AFF3: variants seen among roughly 807,000 people sequenced by gnomAD.
AFF3 encodes the protein AF4/FMR2 family member 3.
AFF3 carries 32 observed loss-of-function variants against 129.7 expected under a neutral mutation model. The observed-to-expected ratio is 0.25, with a 90% CI of 0.19 to 0.33. The LOEUF is 0.33. Ranked by LOEUF, AFF3 falls within the 10% of genes least tolerant of loss-of-function variation. The probability of loss-of-function intolerance (pLI) is 1.00; values close to 1 mark genes in which losing one functional copy is unlikely to be tolerated. For missense variants in AFF3, 1,373 were observed against 1,592.0 expected, an observed-to-expected ratio of 0.86 and a Z score of 2.34; for synonymous variants, 644 against 635.4, an observed-to-expected ratio of 1.01 and a Z score of -0.20.
At chr2:99,778,804 A>T in intron 8 of AFF3, among the ~76,000 whole-genome samples, 1 of 151,820 alleles carries the variant, frequency 6.6e-6, no homozygotes, top group Non-Finnish European at 1.5e-5. Flanking sequence ...TATAGACACA[A>T]AACTGATTTT....
At chr2:100,105,806 C>T in intron 2 of AFF3, 1 of 1,350,928 alleles carries the variant, frequency 7.4e-7, no homozygotes, top group Non-Finnish European at 9.8e-7. Flanking sequence ...CGGATTCTCA[C>T]CAGGGATTCC....
chr2:99,755,218 C>T (rs967268759), intron 8 of AFF3, among the ~76,000 whole-genome samples: 7 of 152,048 alleles, frequency 4.6e-5, no homozygotes, highest in South Asian at 2.1e-4. Flanking sequence ...ATCAGACTAA[C>T]GGCTCCCTCC....
chr2:100,020,431 C>T (rs1683493230), intron 4 of AFF3, among the ~76,000 whole-genome samples: 1 of 152,006 alleles, frequency 6.6e-6, no homozygotes, highest in African/African-American at 2.4e-5. Context: ...TTGTACAACT[C>T]TCCAAGACTC....
intron 12 of AFF3, among the ~76,000 whole-genome samples, chr2:99,661,789 T>C (rs1686251547): frequency 6.6e-6 from 1 of 152,202 alleles, no homozygotes; most frequent in Non-Finnish European, 1.5e-5. Flanking sequence ...AAGAGTGGCA[T>C]GATAAAATAA....
intron 13 of AFF3, among the ~76,000 whole-genome samples, chr2:99,635,222 A>ATC (rs1261416772): frequency 6.6e-6 from 1 of 151,802 alleles, no homozygotes; most frequent in African/African-American, 2.4e-5. Context: ...ATATACACAT[A>ATC]TCTATGTATA....
At chr2:100,121,958 A>G (rs1691988475) in intron 2 of AFF3, among the ~76,000 whole-genome samples, 1 of 152,218 alleles carries the variant, frequency 6.6e-6, no homozygotes, top group Non-Finnish European at 1.5e-5. Flanking sequence ...GCTACTCGGG[A>G]GGCTGAGGCA....
intron 4 of AFF3, among the ~76,000 whole-genome samples, chr2:100,061,255 T>C (rs1017958390): frequency 1.6e-4 from 25 of 152,186 alleles, no homozygotes; most frequent in African/African-American, 6.0e-4. Flanking sequence ...TTAAGCTCCA[T>C]CTCCTTAATG....
chr2:99,867,941 G>A (rs1691557294), intron 7 of AFF3, among the ~76,000 whole-genome samples: 1 of 152,180 alleles, frequency 6.6e-6, no homozygotes, highest in Admixed American at 6.5e-5. Flanking sequence ...GCGGGCACGT[G>A]GAGGGAGAGA....
At chr2:100,112,841 G>A (rs1050783584) in intron 2 of AFF3, among the ~76,000 whole-genome samples, 1 of 152,164 alleles carries the variant, frequency 6.6e-6, no homozygotes, top group Admixed American at 6.5e-5. Flanking sequence ...TATAATGAGA[G>A]CAACTCTTTC....
At chr2:99,830,450 G>A (rs916995823) in intron 8 of AFF3, among the ~76,000 whole-genome samples, 11 of 152,122 alleles carry the variant, frequency 7.2e-5, no homozygotes, top group Non-Finnish European at 1.2e-4. Flanking sequence ...CTCCTGCCAC[G>A]AAGTTTAAAG....
chr2:99,974,099 G>A (rs1678648493), intron 7 of AFF3, among the ~76,000 whole-genome samples: 2 of 152,148 alleles, frequency 1.3e-5, no homozygotes, highest in Non-Finnish European at 2.9e-5. Flanking sequence ...ATATAACGGA[G>A]GTAAATGAAA....
At chr2:99,891,782 A>G (rs1366762) in intron 7 of AFF3, among the ~76,000 whole-genome samples, 128,932 of 151,972 alleles carry the variant, frequency 0.85, 54,996 homozygotes, top group African/African-American at 0.95. Context: ...AGCCAGGATT[A>G]TCTCCATTTT....
chr2:100,125,988 A>G (rs1325892225), intron 2 of AFF3, among the ~76,000 whole-genome samples: 1 of 152,194 alleles, frequency 6.6e-6, no homozygotes, highest in Non-Finnish European at 1.5e-5. Context: ...TTCTTAACTG[A>G]TCAGGAATGG....
intron 13 of AFF3, among the ~76,000 whole-genome samples, chr2:99,607,434 A>G (rs1417207447): frequency 4.6e-5 from 7 of 151,832 alleles, no homozygotes; most frequent in African/African-American, 1.7e-4. Context: ...CGGGAGGCTG[A>G]GGCAGGAGAA....
intron 8 of AFF3, among the ~76,000 whole-genome samples, chr2:99,820,582 CAAT>C (rs1483083767): frequency 2.0e-5 from 3 of 150,432 alleles, no homozygotes; most frequent in Non-Finnish European, 4.4e-5. Flanking sequence ...TTTCTTTCTT[CAAT>C]AATAAGTTAA....
intron 4 of AFF3, among the ~76,000 whole-genome samples, chr2:100,057,338 A>C (rs1347301045): frequency 1.3e-5 from 2 of 150,668 alleles, no homozygotes; most frequent in South Asian, 2.1e-4. Flanking sequence ...AAAAAAAAAA[A>C]AAAAAACTCT....
chr2:99,582,867 A>G lies in AFF3; in HGVS notation c.2724T>C (p.Phe908=), dbSNP rs760200235. 40 of 1,614,124 alleles carry G rather than the reference A, an allele frequency of 2.5e-5. No homozygotes were observed. The highest frequency in any genetic ancestry group is 2.3e-4 in the South Asian group (21 of 91,092). ...GCTTTTTGCTGGAAGAGGCTGAAGT[A>G]AACAAACTGTTGCCATTAGGTCGGC... ...SSSRPNGNSL[F]TSASSSKKPK... Residue 908 remains phenylalanine, a synonymous_variant, in exon 17 of 25, where the codon TTT becomes TTC. Coordinates refer to ENST00000672756, the MANE Select transcript of AFF3 (RefSeq NM_001386135.1).
chr2:99,831,539 C>T (rs1558893777), intron 8 of AFF3, among the ~76,000 whole-genome samples: 1 of 152,118 alleles, frequency 6.6e-6, no homozygotes, highest in Non-Finnish European at 1.5e-5. Context: ...TTTGAAGGTA[C>T]TGATAGATAC....
rs569849120 is a variant in AFF3 at position 99,554,701 on chromosome 2, G to A, written c.3317C>T (p.Pro1106Leu). 76 of 1,614,228 alleles carry A rather than the reference G, an allele frequency of 4.7e-5. 1 individual carries two copies. Among genetic ancestry groups the A allele is most frequent in the Middle Eastern group, 1.6e-4 (1 of 6,062 alleles). ...NSSKAAQAPS[P>L]WGASGKSTGT... ...AACTTACTTTCCACTGGCCCCCCAC[G>A]GAGATGGGGCTTGGGCGGCTTTAGA... is the stretch of plus-strand genomic sequence containing the variant. Residue 1106 changes from proline (P) to leucine (L), a missense_variant, in exon 23 of 25, where the codon CCG becomes CTG. Pro to Leu is a moderately conservative substitution (Grantham distance 98). Coordinates refer to ENST00000672756, the MANE Select transcript of AFF3 (RefSeq NM_001386135.1).
Sources: gnomAD v4.1 joint callset for allele counts (sites outside exome capture counted in the v4.1 genomes callset) on GRCh38, gnomAD v4.1.1 for gene constraint, MANE v1.5 for transcripts, NCBI Gene and HGNC (gene_info 2026-07-23, HGNC 2026-07-21) for gene names.